PRPF40B: variants seen among roughly 807,000 people sequenced by gnomAD.
PRPF40B encodes pre-mRNA-processing factor 40 homolog B.
PRPF40B carries 56 observed loss-of-function variants against 124.5 expected under a neutral mutation model. The ratio of observed to expected loss-of-function variants is 0.45; its 90% CI spans 0.36 to 0.56. The LOEUF (loss-of-function observed/expected upper bound fraction) is 0.56. PRPF40B is among the 20% of genes least tolerant of loss of function. The pLI, the probability that PRPF40B is intolerant of heterozygous loss-of-function variation, is 0.00. For synonymous variants in PRPF40B, 443 were observed against 426.4 expected (o/e 1.04, Z -0.48); for missense variants, 1,053 against 1,169.5 (o/e 0.90, Z 1.45).
Position 49,631,925 on chromosome 12 carries a change from G to A in PRPF40B, c.294G>A (p.Ala98=), listed in dbSNP as rs755104847. The A allele has an allele frequency of 1.3e-5, 21 of 1,613,932 alleles. No homozygotes were observed. The highest frequency in any genetic ancestry group is 4.0e-5 in the African/African-American group (3 of 74,904). Residue 98 remains alanine, a splice_region_variant and synonymous_variant, in exon 4 of 26, where the codon GCG becomes GCA. Coordinates refer to ENST00000548825, the MANE Select transcript of PRPF40B (RefSeq NM_001031698.3). This position sits in a 1 kb window ranked among gnomAD's most constrained non-coding sequence, Gnocchi z 4.3. ...TGCCAGCGGTGCCTGTCACCGCAGC[G>A]GTAAGCACTAGGGGCCAGCAGGTAG... ...MLMPAVPVTA[A]TAPGADTASS...
chr12:49,636,657 G>A, intron 15 of PRPF40B, 59 bp from the exon 16 acceptor site: 2 of 1,605,724 alleles, frequency 1.2e-6, no homozygotes, highest in Non-Finnish European at 1.7e-6. Flanking sequence ...TAGGGGTGCT[G>A]GGGTCTGAGA....
In PRPF40B at chr12:49,635,563, C is replaced by G. The variant is rs1023336116; in HGVS notation, c.1275+90C>G. 7.9e-7 allele frequency: 1 copy of G among 1,269,190 alleles called. No homozygotes were observed. Among genetic ancestry groups the G allele is most frequent in the South Asian group, 1.4e-5 (1 of 70,222 alleles). The allele number at this position is 1,269,190 out of a possible 1,614,324, so 78.6% of individuals were successfully genotyped here. ...TTATGGACCCTCGCCATTTACTTCT[C>G]TACTTCCCCAGTGTCCCAGCTTCTG... is the stretch of plus-strand genomic sequence containing the variant. On this transcript the variant is annotated intron_variant, in intron 14 of 25. Transcript: ENST00000548825. This position sits in a 1 kb window ranked among gnomAD's most constrained non-coding sequence, Gnocchi z 4.1.
intron 16 of PRPF40B, 166 bp downstream of exon 16, chr12:49,637,015 T>G (rs1387134863): frequency 1.2e-5 from 13 of 1,040,182 alleles, no homozygotes; most frequent in African/African-American, 1.6e-5. Context: ...CTGCTGTACC[T>G]CCTCAATTCT....
intron 18 of PRPF40B, chr12:49,640,661 A>C (rs1330802643): frequency 6.6e-6 from 1 of 152,222 alleles, no homozygotes; most frequent in Non-Finnish European, 1.5e-5. Context: ...CTCACCTGTA[A>C]ATCAGGGATA....
In PRPF40B at chr12:49,642,398, C is replaced by T; in HGVS notation, c.2022+26C>T. On this transcript the variant is annotated intron_variant, in intron 20 of 25. Coordinates refer to ENST00000548825, the MANE Select transcript of PRPF40B (RefSeq NM_001031698.3). The surrounding 1 kb of genome is among the most constrained non-coding windows in gnomAD (Gnocchi z 5.8). ...GTCAGGAGCGTAGCCTGGCCCCAAG[C>T]ACCCCTCAAGCCTGAGGGCAGCGGT... 9 of 1,611,866 alleles carry T rather than the reference C, an allele frequency of 5.6e-6. No individual in the cohort carries two copies. Among genetic ancestry groups the T allele is most frequent in the East Asian group, 2.2e-5 (1 of 44,826 alleles).
chr12:49,631,421 C>T lies in PRPF40B; in HGVS notation c.105C>T (p.Pro35=). 6.8e-7 allele frequency: 1 copy of T among 1,463,970 alleles called. No individual in the cohort carries two copies. Among genetic ancestry groups the T allele is most frequent in the Non-Finnish European group, 9.1e-7 (1 of 1,103,584 alleles). 90.7% of individuals were successfully genotyped at this position (1,463,970 alleles called of 1,614,324 possible). A position where few individuals can be genotyped will look rare whatever the true frequency, so the allele number is the denominator to read the frequency against. ...PPPFMPPPGI[P]PPFPPMGLPP... ...TCCAGATGCCCCCTCCAGGGATCCCCCCACCCTTTCCTCCGATGGGGCTAC... is the reference window on the plus strand; with the variant it reads ...TCCAGATGCCCCCTCCAGGGATCCCTCCACCCTTTCCTCCGATGGGGCTAC... Residue 35 remains proline, a synonymous_variant, in exon 3 of 26, where the codon CCC becomes CCT. Transcript: ENST00000548825. The surrounding 1 kb of genome is among the most constrained non-coding windows in gnomAD (Gnocchi z 4.3).
intron 16 of PRPF40B, 25 bp downstream of exon 16, chr12:49,636,874 C>T (rs1422097951): frequency 6.2e-7 from 1 of 1,612,722 alleles, no homozygotes; most frequent in Admixed American, 1.7e-5. Context: ...CTTTCTAGAT[C>T]AGAGCTCAGC....
Position 49,633,139 on chromosome 12 carries a change from T to C in PRPF40B, c.459+15T>C. ...CCAAGGCAGAGGTCCTGAGCTGGGC[T>C]TTCTGGCCCTTCCTTTCAGCTGCCC... On this transcript the variant is annotated intron_variant, in intron 7 of 25. Transcript: ENST00000548825. 6.4e-7 allele frequency: 1 copy of C among 1,573,544 alleles called. No homozygotes were observed. The highest frequency in any genetic ancestry group is 8.6e-7 in the Non-Finnish European group (1 of 1,158,528).
rs145167972 is a variant in PRPF40B, at chr12:49,633,108, T to G, written c.443T>G (p.Leu148Arg). 2 of 1,596,022 alleles carry G rather than the reference T, an allele frequency of 1.3e-6. No individual in the cohort carries two copies. The highest frequency in any genetic ancestry group is 1.7e-6 in the Non-Finnish European group (2 of 1,172,262). The change falls in exon 7 of 26, where the codon CTC (leucine) becomes CGC (arginine). Residue 148 changes from leucine (L) to arginine (R), a missense_variant. Around this residue, in one of 2 missense-constraint regions of PRPF40B, gnomAD observed 895 missense variants for 1,052.2 expected, o/e 0.85. Transcript: ENST00000548825. ...KQSVWEKPSV[L>R]KSKAELLLSQ... is the part of the protein sequence containing the mutation. ...TCCGTGTGGGAGAAGCCCAGCGTGC[T>G]CAAGTCCAAGGCAGAGGTCCTGAGC...
intron 18 of PRPF40B, chr12:49,639,436 G>A (rs1942297432): frequency 6.6e-6 from 1 of 152,346 alleles, no homozygotes; most frequent in Non-Finnish European, 1.5e-5. Context: ...AGGCTGTGCA[G>A]GAATCTTGTA....
intron 1 of PRPF40B, among the ~76,000 whole-genome samples, chr12:49,625,402 C>G (rs1940615735): frequency 1.3e-5 from 2 of 152,224 alleles, no homozygotes; most frequent in South Asian, 4.1e-4. Flanking sequence ...ATAATAACCT[C>G]TGAGATGGTT....
chr12:49,632,974 G>T (rs1941373263), intron 6 of PRPF40B, 40 bp from the exon 7 acceptor site: 1 of 1,609,786 alleles, frequency 6.2e-7, no homozygotes, highest in Non-Finnish European at 8.5e-7. Flanking sequence ...CTTTGGAAAA[G>T]GGGCCTTGAC....
At chr12:49,623,417 A>G (rs1244718833), upstream of PRPF40B, 12 of 442,986 alleles carry the variant, frequency 2.7e-5, no homozygotes, top group Non-Finnish European at 3.4e-5. Context: ...CGGGGCCGGG[A>G]CCGAACACAC....
In PRPF40B at chr12:49,642,540, G is replaced by A. The variant is rs1426699028; in HGVS notation, c.2023-40G>A. The A allele has an allele frequency of 6.2e-7, 1 of 1,608,890 alleles. No homozygotes were observed. Among genetic ancestry groups the A allele is most frequent in the Non-Finnish European group, 8.5e-7 (1 of 1,175,452 alleles). On this transcript the variant is annotated intron_variant, in intron 20 of 25. Transcript: ENST00000548825. This position sits in a 1 kb window ranked among gnomAD's most constrained non-coding sequence, Gnocchi z 5.8. Reference sequence around the variant, plus strand: ...CATGGCGGTGTCCAGGCCAGGCTGAGTGGGGCCTAGTCTGATCAGCAGTGC... The same window carrying A: ...CATGGCGGTGTCCAGGCCAGGCTGAATGGGGCCTAGTCTGATCAGCAGTGC...
In PRPF40B at chr12:49,643,824, C is replaced by T. The variant is rs746094212; in HGVS notation, c.2443-37C>T. 1.5e-5 allele frequency: 25 copies of T among 1,614,016 alleles called. No individual in the cohort carries two copies. In the South Asian group the frequency reaches 2.7e-4, roughly 18 times the overall value. On this transcript the variant is annotated intron_variant, in intron 24 of 25. Coordinates refer to ENST00000548825, the MANE Select transcript of PRPF40B (RefSeq NM_001031698.3). ...TGTTCTACCTGCCTCCCAGGCTATC[C>T]ACAGGAACTGAGGAGGTGGGCTCTG...
At chr12:49,636,641 A>T in intron 15 of PRPF40B, 75 bp from the exon 16 acceptor site, 1 of 1,594,318 alleles carries the variant, frequency 6.3e-7, no homozygotes, top group Non-Finnish European at 8.6e-7. Flanking sequence ...AGCATCGTTG[A>T]AACATTAGGG....
intron 18 of PRPF40B, chr12:49,638,781 C>T (rs1035279826): frequency 2.6e-5 from 4 of 152,188 alleles, no homozygotes; most frequent in African/African-American, 9.7e-5. Context: ...CTTTCTGACC[C>T]TGTTTCCTCA....
Position 49,636,814 on chromosome 12 carries a change from C to T in PRPF40B, c.1525C>T (p.Arg509Ter), listed in dbSNP as rs1416230045. Residue 509 changes from arginine to a stop codon, truncating the protein, a stop_gained, in exon 16 of 26, where the codon CGA (arginine) becomes TGA (stop). Coordinates refer to ENST00000548825, the MANE Select transcript of PRPF40B (RefSeq NM_001031698.3). LOFTEE classifies it high-confidence loss of function. Reference sequence around the variant, plus strand: ...ACGGGAGCGGGCCCGGCTTCGGGAGCGACGCCAACAACGCAAGAATCGGGA... The same window carrying T: ...ACGGGAGCGGGCCCGGCTTCGGGAGTGACGCCAACAACGCAAGAATCGGGA... ...EERERARLRE[R>*]RQQRKNREAF... 2 of 1,614,002 alleles carry T rather than the reference C, an allele frequency of 1.2e-6. No homozygotes were observed. Among genetic ancestry groups the T allele is most frequent in the African/African-American group, 1.3e-5 (1 of 74,912 alleles).
At chr12:49,636,299 A>T (rs1941795993) in intron 15 of PRPF40B, among the ~76,000 whole-genome samples, 1 of 152,202 alleles carries the variant, frequency 6.6e-6, no homozygotes, top group African/African-American at 2.4e-5. Context: ...ATATGGTCTT[A>T]AAGCATCATA....
Sources: allele counts gnomAD v4.1 joint callset (sites outside exome capture counted in the v4.1 genomes callset), GRCh38; gene constraint gnomAD v4.1.1; regional missense constraint gnomAD v4.1.1; non-coding constraint Gnocchi (gnomAD v3.1); transcripts MANE v1.5; gene names NCBI Gene and HGNC (gene_info 2026-07-23, HGNC 2026-07-21).